CNBD1: variants seen among roughly 807,000 people sequenced by gnomAD.
CNBD1 encodes cyclic nucleotide binding domain containing 1.
Under a neutral mutation model 54.4 loss-of-function variants are expected in CNBD1, and 71 were observed. The observed-to-expected ratio is 1.30, with a 90% CI of 1.08 to 1.59. The LOEUF is 1.59. Ranked by LOEUF, CNBD1 falls within the 40% of genes most tolerant of loss-of-function variation. The pLI is 0.00. For synonymous variants in CNBD1, 182 were observed against 170.7 expected, an observed-to-expected ratio of 1.07 and a Z score of -0.51; for missense variants, 659 against 518.0, an observed-to-expected ratio of 1.27 and a Z score of -2.64.
At chr8:87,074,459 T>A (rs1810826072) in intron 4 of CNBD1, among the ~76,000 whole-genome samples, 1 of 152,102 alleles carries the variant, frequency 6.6e-6, no homozygotes, top group South Asian at 2.1e-4. Flanking sequence ...TTTTTGGGGA[T>A]CCTGGGGCTG....
At chr8:87,382,489 TA>T (rs1563579783) in intron 10 of CNBD1, 130 bp from the exon 11 acceptor site, 1 of 615,548 alleles carries the variant, frequency 1.6e-6, no homozygotes, top group African/African-American at 1.8e-5. Context: ...CTGACAATAT[TA>T]TTTTTTTCTT....
chr8:86,919,572 CG>C (rs1244654182), intron 3 of CNBD1, among the ~76,000 whole-genome samples: 1 of 152,126 alleles, frequency 6.6e-6, no homozygotes, highest in African/African-American at 2.4e-5. Flanking sequence ...TGTTACAAAA[CG>C]TATACTCCTG....
At chr8:87,259,933 G>A (rs985192734) in intron 6 of CNBD1, among the ~76,000 whole-genome samples, 9 of 152,080 alleles carry the variant, frequency 5.9e-5, no homozygotes, top group Non-Finnish European at 8.8e-5. Flanking sequence ...TGAACTTTAC[G>A]AAAGGTAACC....
At chr8:87,405,907 A>G (rs1197085578) in intron 2 of CNBD1, among the ~76,000 whole-genome samples, 3 of 152,162 alleles carry the variant, frequency 2.0e-5, no homozygotes, top group Non-Finnish European at 1.5e-5. Context: ...TAGCTCTGCC[A>G]AACACTAAGC....
At chr8:87,411,409 T>C (rs1807740603) in intron 2 of CNBD1, among the ~76,000 whole-genome samples, 2 of 138,410 alleles carry the variant, frequency 1.4e-5, no homozygotes, top group Admixed American at 7.5e-5. Flanking sequence ...TATATATATA[T>C]ATATATATAT....
chr8:87,353,498 G>A (rs969998585), intron 9 of CNBD1, 138 bp from the exon 10 acceptor site: 5 of 570,986 alleles, frequency 8.8e-6, no homozygotes, highest in Admixed American at 3.8e-5. Context: ...AAATTTTTCT[G>A]TAATTTAAAT....
intron 4 of CNBD1, among the ~76,000 whole-genome samples, chr8:87,057,226 G>C (rs1385363757): frequency 2.6e-5 from 4 of 152,162 alleles, no homozygotes; most frequent in Non-Finnish European, 4.4e-5. Context: ...CACTTCCACA[G>C]GGCGGGGGAG....
chr8:87,408,168 A>G (rs975648811), intron 2 of CNBD1, among the ~76,000 whole-genome samples: 2 of 151,968 alleles, frequency 1.3e-5, no homozygotes, highest in Non-Finnish European at 2.9e-5. Flanking sequence ...AGTCTTGGTA[A>G]TTACCTCCTC....
rs1273922053 is a variant in CNBD1 at position 87,382,656 on chromosome 8, T to C, written c.*29T>C. On this transcript the variant is annotated 3_prime_UTR_variant, in exon 11 of 11. Coordinates refer to ENST00000518476, the MANE Select transcript of CNBD1 (RefSeq NM_173538.3). ...TAGAAACAACCTCAGTGAACATTAA[T>C]TAAGAAAGTATTGACTAAATAATGG... The C allele has an allele frequency of 8.0e-6, 12 of 1,493,956 alleles. No individual in the cohort carries two copies. Among genetic ancestry groups the C allele is most frequent in the Admixed American group, 2.0e-5 (1 of 50,056 alleles). The allele number at this position is 1,493,956 out of a possible 1,614,324, so 92.5% of individuals were successfully genotyped here.
At chr8:87,175,280 C>T (rs1384049934) in intron 4 of CNBD1, among the ~76,000 whole-genome samples, 1 of 152,154 alleles carries the variant, frequency 6.6e-6, no homozygotes, top group African/African-American at 2.4e-5. Context: ...GTCTCCTTTA[C>T]TTTATCTTCT....
At chr8:87,036,954 C>T (rs1586213843) in intron 4 of CNBD1, among the ~76,000 whole-genome samples, 1 of 152,268 alleles carries the variant, frequency 6.6e-6, no homozygotes, top group South Asian at 2.1e-4. Context: ...TGAAGACAAA[C>T]CTTTTTGGCA....
chr8:87,214,295 A>T (rs1047662025), intron 5 of CNBD1, among the ~76,000 whole-genome samples: 9 of 152,194 alleles, frequency 5.9e-5, no homozygotes, highest in Non-Finnish European at 1.3e-4. Flanking sequence ...CCTCAAGCTC[A>T]AAGTTCCACA....
intron 4 of CNBD1, among the ~76,000 whole-genome samples, chr8:87,076,804 T>C (rs1158330254): frequency 6.6e-6 from 1 of 152,188 alleles, no homozygotes; most frequent in African/African-American, 2.4e-5. Flanking sequence ...CTCTGTGTCA[T>C]ATGTCAGGAA....
chr8:87,277,070 T>TTA (rs10583348), intron 6 of CNBD1, among the ~76,000 whole-genome samples: 359 of 149,244 alleles, frequency 2.4e-3, no homozygotes, highest in South Asian at 0.012. Context: ...GATGGGTCAT[T>TTA]TATATATATA....
At chr8:87,009,462 G>A (rs567931214) in intron 4 of CNBD1, among the ~76,000 whole-genome samples, 6 of 151,716 alleles carry the variant, frequency 4.0e-5, no homozygotes, top group Non-Finnish European at 5.9e-5. Context: ...CACAACACCC[G>A]GCTAATTTTT....
At chr8:87,222,217 A>G (rs1814354545) in intron 5 of CNBD1, among the ~76,000 whole-genome samples, 1 of 151,400 alleles carries the variant, frequency 6.6e-6, no homozygotes, top group African/African-American at 2.4e-5. Context: ...AATTCTAAGG[A>G]AAAAAAAAGA....
intron 10 of CNBD1, among the ~76,000 whole-genome samples, chr8:87,366,661 G>T (rs1586050804): frequency 6.6e-6 from 1 of 152,032 alleles, no homozygotes. Context: ...GGTCGTGGGG[G>T]CCACTTTAGA....
intron 4 of CNBD1, among the ~76,000 whole-genome samples, chr8:87,139,507 G>T (rs752846687): frequency 5.3e-5 from 8 of 152,142 alleles, no homozygotes; most frequent in Non-Finnish European, 8.8e-5. Flanking sequence ...TGTGATCAAG[G>T]TTTGATAGCA....
chr8:87,125,251 A>G (rs1811968026), intron 4 of CNBD1, among the ~76,000 whole-genome samples: 1 of 151,798 alleles, frequency 6.6e-6, no homozygotes, highest in Non-Finnish European at 1.5e-5. Context: ...CTCTATCAAA[A>G]TGCCAATATC....
Sources: gnomAD v4.1 joint callset for allele counts (sites outside exome capture counted in the v4.1 genomes callset) on GRCh38, gnomAD v4.1.1 for gene constraint, MANE v1.5 for transcripts, NCBI Gene and HGNC (gene_info 2026-07-23, HGNC 2026-07-21) for gene names.